Variants in CNTN4 observed in about 807,000 individuals in gnomAD.
CNTN4 encodes the protein contactin-4.
In CNTN4, 77 loss-of-function variants were observed where a neutral mutation model predicts 122.5. That is an observed-to-expected ratio of 0.63 (90% CI 0.52 to 0.76). The LOEUF is 0.76. CNTN4 is among the 30% of genes least tolerant of loss of function. The pLI, the probability that CNTN4 is intolerant of heterozygous loss-of-function variation, is 0.00. For missense variants in CNTN4, 1,256 were observed against 1,259.1 expected, an observed-to-expected ratio of 1.00 and a Z score of 0.04; for synonymous variants, 512 against 447.0, an observed-to-expected ratio of 1.15 and a Z score of -1.83.
At chr3:2,125,821 GC>G (rs1189936135) in intron 2 of CNTN4, among the ~76,000 whole-genome samples, 4 of 151,866 alleles carry the variant, frequency 2.6e-5, no homozygotes, top group African/African-American at 9.7e-5. Flanking sequence ...CTCCCAAAGT[GC>G]TGGGATTACA....
intron 4 of CNTN4, among the ~76,000 whole-genome samples, chr3:2,663,331 TA>T (rs2083997010): frequency 6.6e-6 from 1 of 152,160 alleles, no homozygotes; most frequent in Non-Finnish European, 1.5e-5. Context: ...ATTCAAGAAG[TA>T]CTGTAGGTAA....
chr3:2,409,258 T>C lies in CNTN4; in HGVS notation c.-89+70025T>C, dbSNP rs1400702807. On this transcript the variant is annotated intron_variant, in intron 3 of 24. Coordinates refer to ENST00000418658, the MANE Select transcript of CNTN4 (RefSeq NM_175607.3). Reference sequence around the variant, plus strand: ...AGGTATCTTTTCTTTTCTTTTTTTTTTTTTTTTGAGATAGTGTCTCGCTCT... The same window carrying C: ...AGGTATCTTTTCTTTTCTTTTTTTTCTTTTTTTGAGATAGTGTCTCGCTCT... 4.0e-5 allele frequency among the ~76,000 whole-genome samples: 6 copies of C among 150,758 alleles called. No homozygotes were observed. In the East Asian group the frequency reaches 1.2e-3, roughly 29 times the overall value.
chr3:2,196,736 T>A (rs901741484), intron 2 of CNTN4, among the ~76,000 whole-genome samples: 2 of 152,042 alleles, frequency 1.3e-5, no homozygotes, highest in Non-Finnish European at 2.9e-5. Context: ...AGTGATCCAT[T>A]TCTATCCTAT....
At chr3:2,414,590 A>C (rs2047345682) in intron 3 of CNTN4, among the ~76,000 whole-genome samples, 2 of 152,164 alleles carry the variant, frequency 1.3e-5, no homozygotes, top group Admixed American at 6.5e-5. Context: ...ATATTATCAG[A>C]AACAAATGAA....
At chr3:2,410,636 G>A (rs1368066411) in intron 3 of CNTN4, among the ~76,000 whole-genome samples, 2 of 152,298 alleles carry the variant, frequency 1.3e-5, no homozygotes, top group East Asian at 3.9e-4. Context: ...GCGGTAGAAA[G>A]CCACAGGTAG....
chr3:2,648,975 T>G (rs559028718), intron 4 of CNTN4, among the ~76,000 whole-genome samples: 4 of 152,318 alleles, frequency 2.6e-5, no homozygotes, highest in African/African-American at 9.6e-5. Context: ...AGCCGCAACA[T>G]TCAACATTCT....
intron 3 of CNTN4, among the ~76,000 whole-genome samples, chr3:2,456,767 C>T (rs766230622): frequency 6.6e-6 from 1 of 152,100 alleles, no homozygotes; most frequent in South Asian, 2.1e-4. Context: ...ATCCATTCGT[C>T]TATCTATGGA....
At chr3:2,867,519 A>T (rs975158272) in intron 8 of CNTN4, among the ~76,000 whole-genome samples, 2 of 152,174 alleles carry the variant, frequency 1.3e-5, no homozygotes, top group Non-Finnish European at 2.9e-5. Context: ...ATCACTGTGT[A>T]CTTTGTAAAG....
chr3:2,621,128 G>A (rs2081972293), intron 4 of CNTN4, among the ~76,000 whole-genome samples: 1 of 148,962 alleles, frequency 6.7e-6, no homozygotes, highest in African/African-American at 2.5e-5. Context: ...CATGTTCGTG[G>A]ACACATAGAA....
chr3:2,765,733 A>G (rs1480971059), intron 6 of CNTN4, among the ~76,000 whole-genome samples: 3 of 152,234 alleles, frequency 2.0e-5, no homozygotes, highest in African/African-American at 7.2e-5. Context: ...AGCATCCTAC[A>G]GATTGATAAA....
In CNTN4 at chr3:2,343,894, G is replaced by GT. The variant is rs1685417003; in HGVS notation, c.-89+4662dup. Among the ~76,000 whole-genome samples, 4 of 152,302 alleles carry GT rather than the reference G, an allele frequency of 2.6e-5. No individual in the cohort carries two copies. In the South Asian group the frequency reaches 8.3e-4, roughly 32 times the overall value. On this transcript the variant is annotated intron_variant, in intron 3 of 24. Transcript: ENST00000418658. ...AGCATGGCACCAGCATCTGTGTGTG[G>GT]TGACAGCCTCAGGAAACTTACAATT...
chr3:2,638,118 T>A (rs1418142844), intron 4 of CNTN4, among the ~76,000 whole-genome samples: 1 of 152,224 alleles, frequency 6.6e-6, no homozygotes, highest in African/African-American at 2.4e-5. Flanking sequence ...TAATTATTGT[T>A]CTCCTCTTGC....
intron 13 of CNTN4, 26 bp from the exon 14 acceptor site, chr3:2,988,319 T>C: frequency 1.2e-6 from 2 of 1,611,372 alleles, no homozygotes; most frequent in East Asian, 4.5e-5. Context: ...ATTTCACCAT[T>C]TTTGGTTCAT....
intron 13 of CNTN4, among the ~76,000 whole-genome samples, chr3:2,961,837 A>AT (rs780164695): frequency 2.9e-4 from 44 of 152,308 alleles, no homozygotes; most frequent in Non-Finnish European, 6.2e-4. Flanking sequence ...GCTTTGAAAA[A>AT]CACTGTGTAG....
At chr3:2,126,137 A>T (rs1356456658) in intron 2 of CNTN4, among the ~76,000 whole-genome samples, 1 of 152,128 alleles carries the variant, frequency 6.6e-6, no homozygotes, top group Non-Finnish European at 1.5e-5. Flanking sequence ...TCTTTACAGA[A>T]TGTCCTCCGG....
intron 6 of CNTN4, among the ~76,000 whole-genome samples, chr3:2,762,828 G>A (rs570332539): frequency 6.6e-6 from 1 of 151,408 alleles, no homozygotes; most frequent in East Asian, 1.9e-4. Context: ...CTATAACCTT[G>A]CCAGCATCTG....
chr3:2,549,224 C>T (rs553086830), intron 3 of CNTN4, among the ~76,000 whole-genome samples: 1 of 152,280 alleles, frequency 6.6e-6, no homozygotes, highest in African/African-American at 2.4e-5. Context: ...CTGGCCAGAA[C>T]TTCCAATACC....
intron 2 of CNTN4, among the ~76,000 whole-genome samples, chr3:2,103,537 A>G (rs1419127733): frequency 6.6e-6 from 1 of 152,156 alleles, no homozygotes; most frequent in Admixed American, 6.5e-5. Flanking sequence ...TTCATGCTTC[A>G]GTATGTGAGG....
chr3:3,050,665 A>G (rs1701166611), intron 23 of CNTN4, among the ~76,000 whole-genome samples: 1 of 151,244 alleles, frequency 6.6e-6, no homozygotes, highest in Non-Finnish European at 1.5e-5. Flanking sequence ...TGGGAGGCTG[A>G]GGCAGAAGAA....
Sources: gnomAD v4.1 joint callset for allele counts (sites outside exome capture counted in the v4.1 genomes callset) on GRCh38, gnomAD v4.1.1 for gene constraint, MANE v1.5 for transcripts, NCBI Gene and HGNC (gene_info 2026-07-23, HGNC 2026-07-21) for gene names.